PRKG1: variants seen among roughly 807,000 people sequenced by gnomAD.
The protein encoded by PRKG1 is cGMP-dependent protein kinase 1.
Under a neutral mutation model 88.1 loss-of-function variants are expected in PRKG1, and 35 were observed. The ratio of observed to expected loss-of-function variants is 0.40; its 90% confidence interval spans 0.30 to 0.53. The LOEUF (loss-of-function observed/expected upper bound fraction) is 0.53. PRKG1 is among the 20% of genes least tolerant of loss of function. The pLI, the probability that PRKG1 is intolerant of heterozygous loss-of-function variation, is 0.59. For missense variants in PRKG1, 540 were observed against 839.8 expected, an observed-to-expected ratio of 0.64 and a Z score of 4.41; for synonymous variants, 303 against 292.5, an observed-to-expected ratio of 1.04 and a Z score of -0.37.
intron 2 of PRKG1, among the ~76,000 whole-genome samples, chr10:51,190,906 T>C (rs1248867532): frequency 1.3e-5 from 2 of 151,876 alleles, no homozygotes; most frequent in African/African-American, 4.8e-5. Flanking sequence ...GTCTCTACTA[T>C]GGAGCCAGAC....
chr10:51,333,194 G>A (rs1007648509), intron 2 of PRKG1, among the ~76,000 whole-genome samples: 3 of 152,202 alleles, frequency 2.0e-5, no homozygotes, highest in African/African-American at 7.2e-5. Context: ...CTTGGGTTTT[G>A]AAGATAATGT....
chr10:51,951,096 A>G (rs1843173048), intron 5 of PRKG1, among the ~76,000 whole-genome samples: 1 of 152,240 alleles, frequency 6.6e-6, no homozygotes, highest in African/African-American at 2.4e-5. Context: ...AGGGTGGGCA[A>G]CCAGGAACAG....
intron 5 of PRKG1, among the ~76,000 whole-genome samples, chr10:51,956,522 A>C (rs565934811): frequency 1.3e-5 from 2 of 152,182 alleles, no homozygotes; most frequent in East Asian, 3.9e-4. Flanking sequence ...TCCACCATTA[A>C]TCTTTTGGAT....
intron 7 of PRKG1, among the ~76,000 whole-genome samples, chr10:52,101,728 C>T (rs980011497): frequency 1.3e-5 from 2 of 152,232 alleles, no homozygotes; most frequent in Non-Finnish European, 2.9e-5. Flanking sequence ...GGCGACCTAG[C>T]CAGTAGCTTC....
intron 3 of PRKG1, among the ~76,000 whole-genome samples, chr10:51,519,481 T>C (rs559064669): frequency 7.2e-5 from 11 of 152,046 alleles, no homozygotes; most frequent in Non-Finnish European, 1.5e-4. Flanking sequence ...TGAGAAACAC[T>C]TGGAAAAAAA....
At chr10:51,850,748 A>G (rs1840532716) in intron 4 of PRKG1, among the ~76,000 whole-genome samples, 1 of 152,186 alleles carries the variant, frequency 6.6e-6, no homozygotes, top group Non-Finnish European at 1.5e-5. Flanking sequence ...CTCATTCATG[A>G]TAAGAAAAAT....
intron 1 of PRKG1, among the ~76,000 whole-genome samples, chr10:51,093,813 C>T (rs1219509986): frequency 1.3e-5 from 2 of 148,474 alleles, no homozygotes; most frequent in East Asian, 3.9e-4. Context: ...CACACACACA[C>T]ACACACACAC....
intron 5 of PRKG1, 51 bp downstream of exon 5, chr10:51,907,621 G>C (rs912057356): frequency 2.6e-6 from 4 of 1,515,702 alleles, no homozygotes; most frequent in Non-Finnish European, 3.7e-6. Flanking sequence ...AGCCTGCTTG[G>C]CTGGCTTCTT....
chr10:51,081,409 G>A (rs1844107218), intron 1 of PRKG1, among the ~76,000 whole-genome samples: 1 of 152,226 alleles, frequency 6.6e-6, no homozygotes, highest in Non-Finnish European at 1.5e-5. Context: ...GATGAAGACT[G>A]CCATAGAGAA....
At chr10:51,305,254 C>A (rs1413209431) in intron 2 of PRKG1, among the ~76,000 whole-genome samples, 1 of 152,150 alleles carries the variant, frequency 6.6e-6, no homozygotes, top group Non-Finnish European at 1.5e-5. Context: ...TCTTCTCCCA[C>A]CACCAAAATT....
chr10:51,215,291 T>C (rs895265108), intron 2 of PRKG1, among the ~76,000 whole-genome samples: 3 of 152,300 alleles, frequency 2.0e-5, no homozygotes, highest in South Asian at 4.1e-4. Context: ...TAAGGAGAGC[T>C]TTTTCTTTGA....
chr10:52,061,660 T>A (rs771864886), intron 6 of PRKG1, among the ~76,000 whole-genome samples: 8 of 152,130 alleles, frequency 5.3e-5, no homozygotes, highest in Non-Finnish European at 7.4e-5. Context: ...ATTTATTGAG[T>A]GCTTATTATA....
chr10:51,698,067 C>G (rs757607894), intron 3 of PRKG1: 3 of 1,613,960 alleles, frequency 1.9e-6, no homozygotes, highest in African/African-American at 2.7e-5. Flanking sequence ...ATGCCTGGGA[C>G]CTGTCTGGGT....
chr10:51,459,936 G>C (rs942800905), intron 2 of PRKG1, among the ~76,000 whole-genome samples: 1 of 152,118 alleles, frequency 6.6e-6, no homozygotes, highest in East Asian at 1.9e-4. Context: ...ACATTTGGTG[G>C]AAGTTAATAT....
chr10:52,170,583 C>G (rs1838641354), intron 9 of PRKG1, among the ~76,000 whole-genome samples: 1 of 152,190 alleles, frequency 6.6e-6, no homozygotes, highest in Non-Finnish European at 1.5e-5. Flanking sequence ...TCTGCAAGAG[C>G]TGTAGGGAGT....
chr10:51,136,233 GTGA>G (rs1360777997), intron 1 of PRKG1, among the ~76,000 whole-genome samples: 4 of 152,028 alleles, frequency 2.6e-5, no homozygotes, highest in Non-Finnish European at 4.4e-5. Context: ...TGGGTAGGTG[GTGA>G]TGTTCCCAGT....
At chr10:52,197,336 C>T (rs1839533703) in intron 9 of PRKG1, among the ~76,000 whole-genome samples, 1 of 152,114 alleles carries the variant, frequency 6.6e-6, no homozygotes, top group South Asian at 2.1e-4. Context: ...GTAAACATGT[C>T]AACTGAGGAC....
intron 1 of PRKG1, among the ~76,000 whole-genome samples, chr10:51,068,278 T>C (rs1843780010): frequency 6.6e-6 from 1 of 152,010 alleles, no homozygotes; most frequent in Non-Finnish European, 1.5e-5. Flanking sequence ...ATTAAGTTAA[T>C]GAGAGTGGAG....
intron 3 of PRKG1, among the ~76,000 whole-genome samples, chr10:51,634,707 A>T (rs1311512997): frequency 6.6e-6 from 1 of 152,120 alleles, no homozygotes; most frequent in Non-Finnish European, 1.5e-5. Flanking sequence ...AGCAATGTTC[A>T]AGAGGCTATC....
Sources: allele counts gnomAD v4.1 joint callset (sites outside exome capture counted in the v4.1 genomes callset), GRCh38; gene constraint gnomAD v4.1.1; transcripts MANE v1.5; gene names NCBI Gene and HGNC (gene_info 2026-07-23, HGNC 2026-07-21).